COL4A5: variants seen among roughly 807,000 people sequenced by gnomAD.
COL4A5 encodes collagen type IV alpha 5 chain, also known as collagen alpha-5(IV) chain.
A neutral mutation model predicts 130.2 loss-of-function variants in COL4A5; 26 were observed. The ratio of observed to expected loss-of-function variants is 0.20; its 90% confidence interval spans 0.15 to 0.28. The LOEUF (loss-of-function observed/expected upper bound fraction) is 0.28. COL4A5 is among the 10% of genes least tolerant of loss of function. The pLI is 1.00. For missense variants in COL4A5, 1,131 were observed against 1,344.3 expected (o/e 0.84, Z 2.48); for synonymous variants, 496 against 439.6 (o/e 1.13, Z -1.60).
At chrX:108,568,086 G>A (rs2066000998) in intron 4 of COL4A5, among the ~76,000 whole-genome samples, 1 of 111,998 alleles carries the variant, frequency 8.9e-6, no homozygotes, top group Admixed American at 9.5e-5. Context: ...AAGGGCAAAT[G>A]CATGGGTAAT....
At chrX:108,677,413 G>A (rs1214869607) in intron 43 of COL4A5, 87 bp from the exon 44 acceptor site, 2 of 930,107 alleles carry the variant, frequency 2.2e-6, no homozygotes, top group Admixed American at 5.5e-5. Flanking sequence ...CAAACTAATA[G>A]GAAGATGACT....
chrX:108,513,820 A>T (rs190472724), intron 1 of COL4A5, among the ~76,000 whole-genome samples: 1 of 111,582 alleles, frequency 9.0e-6, no homozygotes, highest in African/African-American at 3.3e-5. Flanking sequence ...TTTGTTTATA[A>T]AGGTTTTTTC....
intron 1 of COL4A5, among the ~76,000 whole-genome samples, chrX:108,487,469 T>C (rs540923208): frequency 9.1e-6 from 1 of 110,338 alleles, no homozygotes; most frequent in African/African-American, 3.3e-5. Context: ...ATTTTTTTAT[T>C]TTTTTTTAAT....
At chrX:108,446,993 A>G in intron 1 of COL4A5, among the ~76,000 whole-genome samples, 1 of 111,438 alleles carries the variant, frequency 9.0e-6, no homozygotes, top group East Asian at 2.8e-4. Flanking sequence ...CTTGCCCTCC[A>G]CAAATACCTC....
intron 1 of COL4A5, among the ~76,000 whole-genome samples, chrX:108,515,159 A>G (rs2065209796): frequency 9.0e-6 from 1 of 111,717 alleles, no homozygotes; most frequent in Non-Finnish European, 1.9e-5. Context: ...TGTTCTGTTA[A>G]CTAATAGATG....
At chrX:108,552,157 C>T (rs772592129) in intron 2 of COL4A5, among the ~76,000 whole-genome samples, 24 of 111,177 alleles carry the variant, frequency 2.2e-4, no homozygotes, top group African/African-American at 6.9e-4. Flanking sequence ...CAGTGACATG[C>T]AATTTACCCA....
intron 1 of COL4A5, among the ~76,000 whole-genome samples, chrX:108,451,132 A>T (rs1477123667): frequency 1.1e-4 from 12 of 110,589 alleles, no homozygotes; most frequent in African/African-American, 4.0e-4. Flanking sequence ...ACTGAGAATG[A>T]TGATTTCCAA....
At chrX:108,659,976 C>G (rs1288977255) in intron 37 of COL4A5, among the ~76,000 whole-genome samples, 1 of 110,741 alleles carries the variant, frequency 9.0e-6, no homozygotes, top group Non-Finnish European at 1.9e-5. Flanking sequence ...TTGGGTTCAT[C>G]AGATATGCTG....
chrX:108,667,070 G>T, intron 39 of COL4A5, 63 bp from the exon 40 acceptor site: 2 of 1,044,877 alleles, frequency 1.9e-6, no homozygotes, highest in Non-Finnish European at 2.7e-6. Flanking sequence ...AAATAATTTG[G>T]CCTTGTTTCA....
intron 2 of COL4A5, among the ~76,000 whole-genome samples, chrX:108,540,690 A>AGG (rs1339338251): frequency 2.7e-5 from 3 of 111,644 alleles, no homozygotes; most frequent in African/African-American, 9.8e-5. Flanking sequence ...GCCTCAAGTG[A>AGG]TCTGCCCACC....
chrX:108,627,437 A>C, intron 36 of COL4A5: 14 of 743,642 alleles, frequency 1.9e-5, no homozygotes, highest in Non-Finnish European at 2.2e-5. Context: ...TATATGTAGA[A>C]TCATGGTATG....
chrX:108,451,855 T>C (rs1004107961), intron 1 of COL4A5, among the ~76,000 whole-genome samples: 10 of 111,872 alleles, frequency 8.9e-5, no homozygotes, highest in Non-Finnish European at 1.7e-4. Context: ...TTTAATTAGA[T>C]CCCATTTGTC....
chrX:108,611,390 G>C (rs979479210), intron 29 of COL4A5, among the ~76,000 whole-genome samples: 1 of 110,983 alleles, frequency 9.0e-6, no homozygotes, highest in African/African-American at 3.3e-5. Context: ...AGACTTAAGG[G>C]AAAGGTGTTC....
At chrX:108,693,063 A>G in intron 50 of COL4A5, 138 bp downstream of exon 50, 2 of 723,520 alleles carry the variant, frequency 2.8e-6, no homozygotes, top group Non-Finnish European at 4.3e-6. Context: ...TCAATTAAGT[A>G]TTTAGTTTGA....
chrX:108,654,568 C>T (rs2067799510), intron 36 of COL4A5, among the ~76,000 whole-genome samples: 1 of 112,632 alleles, frequency 8.9e-6, no homozygotes, highest in African/African-American at 3.2e-5. Flanking sequence ...ACCTCAGCCT[C>T]CTGAGTAGCT....
chrX:108,621,553 G>A (rs1326846904), intron 31 of COL4A5, among the ~76,000 whole-genome samples: 1 of 110,282 alleles, frequency 9.1e-6, no homozygotes, highest in Non-Finnish European at 1.9e-5. Context: ...TTCCAGGTGA[G>A]GGTTTTATAG....
intron 1 of COL4A5, among the ~76,000 whole-genome samples, chrX:108,450,623 T>C (rs1227970023): frequency 9.0e-6 from 1 of 111,244 alleles, no homozygotes; most frequent in Admixed American, 9.6e-5. Context: ...CTTAGACTTT[T>C]CTAATGAAGC....
chrX:108,584,870 TG>T (rs1378513727), intron 18 of COL4A5, among the ~76,000 whole-genome samples: 1 of 27,010 alleles, frequency 3.7e-5, no homozygotes, highest in Admixed American at 5.6e-4. Flanking sequence ...AAACAAAACT[TG>T]GGGAAGTTGG....
intron 1 of COL4A5, among the ~76,000 whole-genome samples, chrX:108,441,123 C>CT (rs2064392827): frequency 9.3e-6 from 1 of 108,011 alleles, no homozygotes; most frequent in Admixed American, 9.7e-5. Flanking sequence ...ACCCACTGTC[C>CT]TATTGGGGAT....
Sources: gnomAD v4.1 joint callset for allele counts (sites outside exome capture counted in the v4.1 genomes callset) on GRCh38, gnomAD v4.1.1 for gene constraint, MANE v1.5 for transcripts, NCBI Gene and HGNC (gene_info 2026-07-23, HGNC 2026-07-21) for gene names.